QTMAN: variants seen among roughly 807,000 people sequenced by gnomAD.
QTMAN encodes the protein tRNA-queuosine alpha-mannosyltransferase.
chr2:144,266,628 A>C, the QTMAN span, among the ~76,000 whole-genome samples: 2 of 152,232 alleles, frequency 1.3e-5, no homozygotes, highest in African/African-American at 4.8e-5. Flanking sequence ...TGGAAGTTGA[A>C]ACATCTCTTA....
chr2:144,279,373 G>GA, the QTMAN span, among the ~76,000 whole-genome samples: 16,187 of 70,788 alleles, frequency 0.23, 1,234 homozygotes, highest in Non-Finnish European at 0.28. Flanking sequence ...CTCACCGCAA[G>GA]AAAAAAAAAA....
At chr2:144,176,398 C>A in the QTMAN span, among the ~76,000 whole-genome samples, 2 of 151,862 alleles carry the variant, frequency 1.3e-5, no homozygotes, top group Non-Finnish European at 2.9e-5. Context: ...AACTCAAAAG[C>A]CAGTATCATA....
chr2:143,949,586 A>C, the QTMAN span, among the ~76,000 whole-genome samples: 388 of 152,088 alleles, frequency 2.6e-3, 2 homozygotes, highest in African/African-American at 8.5e-3. Context: ...TTTAGATCTT[A>C]GAAGCATATG....
the QTMAN span, among the ~76,000 whole-genome samples, chr2:144,194,204 T>A: frequency 6.6e-6 from 1 of 152,186 alleles, no homozygotes; most frequent in South Asian, 2.1e-4. Flanking sequence ...TTTAATCCAG[T>A]TTACAAAATA....
At chr2:144,133,421 T>TATATATAATATATAATATATAATATATA in the QTMAN span, among the ~76,000 whole-genome samples, 29 of 54,818 alleles carry the variant, frequency 5.3e-4, no homozygotes, top group African/African-American at 2.9e-3. Flanking sequence ...TTATATATAA[T>TATATATAATATATAATATATAATATATA]ATATATAATA....
At chr2:144,150,858 T>C in the QTMAN span, among the ~76,000 whole-genome samples, 17 of 152,190 alleles carry the variant, frequency 1.1e-4, no homozygotes, top group Non-Finnish European at 2.5e-4. Flanking sequence ...AGCTACTATT[T>C]GCATTTTGGT....
At chr2:144,236,004 T>C in the QTMAN span, among the ~76,000 whole-genome samples, 4 of 151,524 alleles carry the variant, frequency 2.6e-5, no homozygotes, top group African/African-American at 9.7e-5. Flanking sequence ...ACTATTCAGA[T>C]TAGAGGTGTT....
chr2:143,980,926 C>T, the QTMAN span, among the ~76,000 whole-genome samples: 1 of 152,102 alleles, frequency 6.6e-6, no homozygotes, highest in African/African-American at 2.4e-5. Context: ...CATTCTCATC[C>T]TCTCCCTCTG....
the QTMAN span, chr2:143,957,196 T>C: frequency 3.5e-5 from 56 of 1,585,640 alleles, no homozygotes; most frequent in African/African-American, 5.4e-4. Context: ...AGAACTTACA[T>C]TGCCACTCCA....
chr2:144,027,747 C>T, the QTMAN span, among the ~76,000 whole-genome samples: 3 of 152,342 alleles, frequency 2.0e-5, no homozygotes, highest in Admixed American at 6.5e-5. Context: ...GAGACACACA[C>T]CATGGAGGTA....
chr2:144,294,273 A>G, the QTMAN span: 1 of 152,244 alleles, frequency 6.6e-6, no homozygotes, highest in African/African-American at 2.4e-5. Flanking sequence ...GCCCTGTTGC[A>G]TCCTGCCACA....
At chr2:144,295,010 T>C in the QTMAN span, among the ~76,000 whole-genome samples, 3 of 152,186 alleles carry the variant, frequency 2.0e-5, no homozygotes, top group Non-Finnish European at 2.9e-5. Flanking sequence ...TGTCTTAAAA[T>C]AGATATATAG....
the QTMAN span, among the ~76,000 whole-genome samples, chr2:144,152,814 G>A: frequency 6.6e-6 from 1 of 152,090 alleles, no homozygotes; most frequent in South Asian, 2.1e-4. Context: ...CAATATAATT[G>A]GTGAAATAAG....
At chr2:143,981,455 A>G in the QTMAN span, among the ~76,000 whole-genome samples, 1 of 152,210 alleles carries the variant, frequency 6.6e-6, no homozygotes, top group Non-Finnish European at 1.5e-5. Context: ...ACATTTTGTC[A>G]TGTCTAGAAA....
the QTMAN span, among the ~76,000 whole-genome samples, chr2:144,331,501 A>G: frequency 2.0e-5 from 3 of 151,808 alleles, 1 homozygote; most frequent in Admixed American, 1.3e-4. Flanking sequence ...CACGTTTTCC[A>G]TTTCAAACTG....
the QTMAN span, among the ~76,000 whole-genome samples, chr2:144,100,374 A>T: frequency 6.6e-6 from 1 of 152,226 alleles, no homozygotes; most frequent in Non-Finnish European, 1.5e-5. Context: ...ATGCCACTCA[A>T]ATAAGAAAGA....
the QTMAN span, among the ~76,000 whole-genome samples, chr2:143,948,517 T>C: frequency 7.2e-5 from 11 of 152,154 alleles, no homozygotes; most frequent in Non-Finnish European, 8.8e-5. Context: ...AAATCTCTTC[T>C]GTCAGTCTGG....
At chr2:144,213,463 C>T in the QTMAN span, among the ~76,000 whole-genome samples, 1 of 152,142 alleles carries the variant, frequency 6.6e-6, no homozygotes, top group African/African-American at 2.4e-5. Flanking sequence ...AATTAGCTTT[C>T]ATATATGACG....
At chr2:144,006,794 C>T in the QTMAN span, 1 of 159,828 alleles carries the variant, frequency 6.3e-6, no homozygotes. Flanking sequence ...GGAAATTATT[C>T]TTGCTTTAAT....
Sources: allele counts gnomAD v4.1 joint callset (sites outside exome capture counted in the v4.1 genomes callset), GRCh38; gene constraint gnomAD v4.1.1; transcripts MANE v1.5; gene names NCBI Gene and HGNC (gene_info 2026-07-23, HGNC 2026-07-21).